The following MRPL19 variants were observed in gnomAD, a reference collection of about 807,000 sequenced individuals.
The protein encoded by MRPL19 is mitochondrial ribosomal protein L19, also known as large ribosomal subunit protein bL19m.
A neutral mutation model predicts 34.0 loss-of-function variants in MRPL19; 31 were observed. The observed-to-expected ratio is 0.91, with a 90% CI of 0.68 to 1.23. The LOEUF is 1.23. MRPL19 is among the 50% of genes most tolerant of loss of function. The probability of loss-of-function intolerance (pLI) is 0.00; values close to 1 mark genes in which losing one functional copy is unlikely to be tolerated. For synonymous variants in MRPL19, 152 were observed against 127.7 expected (o/e 1.19, Z -1.28); for missense variants, 384 against 367.6 (o/e 1.04, Z -0.37).
At chr2:75,647,024 G>C (rs1417422864) in intron 1 of MRPL19, 78 bp from the exon 2 acceptor site, 1 of 1,491,704 alleles carries the variant, frequency 6.7e-7, no homozygotes, top group Non-Finnish European at 9.0e-7. Flanking sequence ...TGGGACGCCG[G>C]GTTGGGGGAG....
chr2:75,656,497 T>C lies in MRPL19; in HGVS notation c.*1212T>C, dbSNP rs2104139206. On this transcript the variant is annotated 3_prime_UTR_variant, in exon 6 of 6. Coordinates refer to ENST00000393909, the MANE Select transcript of MRPL19 (RefSeq NM_014763.4). The stretch of plus-strand genomic sequence containing the variant: ...CATTTTATTGAGTACTAACTTGTTT[T>C]GCTGCAGCACATCCTTTGGTAGCTT... 6.6e-6 allele frequency: 1 copy of C among 152,294 alleles called. No individual in the cohort carries two copies. The highest frequency in any genetic ancestry group is 2.4e-5 in the African/African-American group (1 of 41,566). The allele number at this position is 152,294 out of a possible 1,614,324, so 9.4% of individuals were successfully genotyped here.
At position 75,658,797 on chromosome 2, in the gene MRPL19, A is replaced by G. The variant is rs570597106; in HGVS notation, c.*3512A>G. Among the ~76,000 whole-genome samples the G allele has an allele frequency of 7.9e-5, 12 of 152,192 alleles. No individual in the cohort carries two copies. Among genetic ancestry groups the G allele is most frequent in the East Asian group, 1.9e-4 (1 of 5,188 alleles). Reference sequence around the variant, plus strand: ...ATGCTATTGTTGACTGTAGTTTTCTATATGTCTCTTAGGTCAAGGTGGTTT... The same window carrying G: ...ATGCTATTGTTGACTGTAGTTTTCTGTATGTCTCTTAGGTCAAGGTGGTTT... On this transcript the variant is annotated 3_prime_UTR_variant, in exon 6 of 6. Coordinates refer to ENST00000393909, the MANE Select transcript of MRPL19 (RefSeq NM_014763.4).
rs2104140639 is a variant in MRPL19, at chr2:75,657,296, T to C, written c.*2011T>C. The C allele has an allele frequency of 6.6e-6, 1 of 151,888 alleles. No homozygotes were observed. Among genetic ancestry groups the C allele is most frequent in the East Asian group, 1.9e-4 (1 of 5,134 alleles). The allele number at this position is 151,888 out of a possible 1,614,324, so 9.4% of individuals were successfully genotyped here. ...TTATCTGAATGGGCTTTTTTGGGAG[T>C]CCCCTCCTCCACATGAATATTTTGG... On this transcript the variant is annotated 3_prime_UTR_variant, in exon 6 of 6. Transcript: ENST00000393909.
At position 75,654,825 on chromosome 2, in the gene MRPL19, T is replaced by C. The variant is rs200530475; in HGVS notation, c.565T>C (p.Tyr189His). The C allele has an allele frequency of 2.7e-4, 437 of 1,613,782 alleles. No individual in the cohort carries two copies. The highest frequency in any genetic ancestry group is 3.1e-4 in the Non-Finnish European group (366 of 1,179,866). ...GAAACGGCTGGATGATAGCTTGCTA[T>C]ACTTACGAGATGCCCTTCCTGAATA... ...LEKRLDDSLLYLRDALPEYST... is the reference protein window; with the variant it reads ...LEKRLDDSLLHLRDALPEYST... The change falls in exon 5 of 6, where the codon TAC becomes CAC. Residue 189 changes from tyrosine to histidine, a missense_variant. Transcript: ENST00000393909.
Position 75,652,489 on chromosome 2 carries a change from GA to G in MRPL19, c.341-26del, listed in dbSNP as rs539358492. ...AGTTTACTTCTCAGCTGGGTGTGCT[GA>G]AAAAAAAGTTCACTTCTCTTTTGAA... On this transcript the variant is annotated intron_variant, in intron 3 of 5. Coordinates refer to ENST00000393909, the MANE Select transcript of MRPL19 (RefSeq NM_014763.4). 3.0e-4 allele frequency: 485 copies of G among 1,600,352 alleles called. No homozygotes were observed. In the Middle Eastern group the frequency reaches 3.2e-3, roughly 10 times the overall value.
intron 5 of MRPL19, 33 bp from the exon 6 acceptor site, chr2:75,655,031 T>G (rs769448492): frequency 3.9e-5 from 3 of 77,610 alleles, no homozygotes; most frequent in Non-Finnish European, 6.3e-5. Flanking sequence ...TAATTATTGC[T>G]TTTTTTTTTT....
rs1035683770 is a variant in MRPL19 at position 75,655,415 on chromosome 2, C to CT, written c.*137dup. 1.4e-6 allele frequency: 1 copy of CT among 695,100 alleles called. No individual in the cohort carries two copies. The allele number at this position is 695,100 out of a possible 1,614,324, so 43.1% of individuals were successfully genotyped here. On this transcript the variant is annotated 3_prime_UTR_variant, in exon 6 of 6. Coordinates refer to ENST00000393909, the MANE Select transcript of MRPL19 (RefSeq NM_014763.4). ...CTAAGCATTCATTGTTTTATTAATACTTTTTTTCTAAAATAAAACTTGTAC... is the reference window on the plus strand; with the variant it reads ...CTAAGCATTCATTGTTTTATTAATACTTTTTTTTCTAAAATAAAACTTGTAC...
intron 4 of MRPL19, 111 bp from the exon 5 acceptor site, chr2:75,654,625 C>T: frequency 1.1e-6 from 1 of 916,732 alleles, no homozygotes; most frequent in East Asian, 2.8e-5. Flanking sequence ...GGCACATTTT[C>T]TACATGCAAA....
chr2:75,660,224 T>C lies in MRPL19; in HGVS notation c.*4939T>C, dbSNP rs974957925. On this transcript the variant is annotated 3_prime_UTR_variant, in exon 6 of 6. Coordinates refer to ENST00000393909, the MANE Select transcript of MRPL19 (RefSeq NM_014763.4). ...CCTTTTTATAACGTCTGTGTCTTTA[T>C]TGATATTCTCATTTTGTTCATATGT... 5.9e-5 allele frequency among the ~76,000 whole-genome samples: 9 copies of C among 152,212 alleles called. No individual in the cohort carries two copies. Among genetic ancestry groups the C allele is most frequent in the African/African-American group, 1.4e-4 (6 of 41,474 alleles).
rs1265857783 is a variant in MRPL19, at chr2:75,660,386, A to G, written c.*5101A>G. 4 of 152,044 alleles carry G rather than the reference A, an allele frequency of 2.6e-5. No individual in the cohort carries two copies. Among genetic ancestry groups the G allele is most frequent in the Admixed American group, 2.0e-4 (3 of 15,262 alleles). 9.4% of individuals were successfully genotyped at this position (152,044 alleles called of 1,614,324 possible). A position where few individuals can be genotyped will look rare whatever the true frequency, so the allele number is the denominator to read the frequency against. ...GATGGTTTTCATTATTTTGTTTTCA[A>G]TGAGCCATACTTTCCTGTGTCTTTG... On this transcript the variant is annotated 3_prime_UTR_variant, in exon 6 of 6. Coordinates refer to ENST00000393909, the MANE Select transcript of MRPL19 (RefSeq NM_014763.4).
chr2:75,656,171 CTG>C lies in MRPL19; in HGVS notation c.*888_*889del, dbSNP rs1558721530. On this transcript the variant is annotated 3_prime_UTR_variant, in exon 6 of 6. Transcript: ENST00000393909. ...TGCTCACAGCATGATGAATCAAACT[CTG>C]TATCTTAGGATTAGGTTAAAACAAT... 3.3e-5 allele frequency: 5 copies of C among 152,142 alleles called. No homozygotes were observed. Among genetic ancestry groups the C allele is most frequent in the African/African-American group, 9.7e-5 (4 of 41,432 alleles). 9.4% of individuals were successfully genotyped at this position (152,142 alleles called of 1,614,324 possible). A position where few individuals can be genotyped will look rare whatever the true frequency, so the allele number is the denominator to read the frequency against.
Position 75,647,107 on chromosome 2 carries a change from C to G in MRPL19, c.109C>G (p.His37Asp). 1 of 1,584,446 alleles carries G rather than the reference C, an allele frequency of 6.3e-7. No individual in the cohort carries two copies. The highest frequency in any genetic ancestry group is 8.6e-7 in the Non-Finnish European group (1 of 1,164,682). The change falls in exon 2 of 6, where the codon CAC becomes GAC. Residue 37 changes from histidine to aspartate, a missense_variant. Physicochemically the swap from His to Asp is moderately conservative, Grantham distance 81. Coordinates refer to ENST00000393909, the MANE Select transcript of MRPL19 (RefSeq NM_014763.4). ...PPPASIACRV[H>D]AGPVRQQSTG... ...TCCGTCGTCCGCTCCCGCAGGGGTC[C>G]ACGCGGGGCCTGTCCGGCAGCAGAG...
rs1487319711 is a variant in MRPL19, at chr2:75,658,292, CT to C, written c.*3008del. Among the ~76,000 whole-genome samples the C allele has an allele frequency of 4.6e-5, 7 of 152,094 alleles. No individual in the cohort carries two copies. Among genetic ancestry groups the C allele is most frequent in the African/African-American group, 1.4e-4 (6 of 41,402 alleles). ...CCCATGCTGGTCTTGAGTTCCTGGC[CT>C]CAAGCAGTCCTTAAGATTCATCCAT... On this transcript the variant is annotated 3_prime_UTR_variant, in exon 6 of 6. Coordinates refer to ENST00000393909, the MANE Select transcript of MRPL19 (RefSeq NM_014763.4).
intron 2 of MRPL19, chr2:75,647,538 G>T (rs1259200468): frequency 4.1e-6 from 1 of 246,204 alleles, no homozygotes; most frequent in African/African-American, 2.2e-5. Flanking sequence ...TTACGTCCAA[G>T]AGCTCTTCTT....
In MRPL19 at chr2:75,661,775, A is replaced by AGTCT. The variant is rs1400561674; in HGVS notation, c.*6491_*6494dup. ...TGGCCTCAAACGATCCTCCCAGCTC[A>AGTCT]GTCTCACAAAGTGTTGGGATGTCTG... is the stretch of plus-strand genomic sequence containing the variant. On this transcript the variant is annotated 3_prime_UTR_variant, in exon 6 of 6. Coordinates refer to ENST00000393909, the MANE Select transcript of MRPL19 (RefSeq NM_014763.4). 16 of 152,368 alleles carry AGTCT rather than the reference A, an allele frequency of 1.1e-4. No homozygotes were observed. Among genetic ancestry groups the AGTCT allele is most frequent in the Non-Finnish European group, 1.8e-4 (12 of 68,106 alleles). 9.4% of individuals were successfully genotyped at this position (152,368 alleles called of 1,614,324 possible).
chr2:75,647,562 C>T (rs1389769940), intron 2 of MRPL19: 3 of 207,188 alleles, frequency 1.4e-5, no homozygotes, highest in African/African-American at 2.3e-5. Context: ...TCTCAAAAGA[C>T]CCTTAACCCT....
intron 1 of MRPL19, 63 bp from the exon 2 acceptor site, chr2:75,647,039 C>A: frequency 6.7e-7 from 1 of 1,496,612 alleles, no homozygotes; most frequent in Non-Finnish European, 9.0e-7. Flanking sequence ...GGGGAGATTG[C>A]GGGGCTCTGC....
rs111974690 is a variant in MRPL19, at chr2:75,648,847, C to T, written c.221+1628C>T. Among the ~76,000 whole-genome samples the T allele has an allele frequency of 4.8e-3, 727 of 152,170 alleles. 7 individuals are homozygous for T. The highest frequency in any genetic ancestry group is 0.016 in the African/African-American group (658 of 41,512). On this transcript the variant is annotated intron_variant, in intron 2 of 5. Coordinates refer to ENST00000393909, the MANE Select transcript of MRPL19 (RefSeq NM_014763.4). ...TCGTGCCACTGCACTCCAGCCTGGG[C>T]GATAGAGCAAGACTCTGTCTCAGAA...
At chr2:75,649,628 G>A (rs1245125441) in intron 2 of MRPL19, among the ~76,000 whole-genome samples, 3 of 152,104 alleles carry the variant, frequency 2.0e-5, no homozygotes, top group African/African-American at 7.2e-5. Context: ...AAATTATTGA[G>A]GGATGAAATG....
Sources: allele counts gnomAD v4.1 joint callset (sites outside exome capture counted in the v4.1 genomes callset), GRCh38; gene constraint gnomAD v4.1.1; transcripts MANE v1.5; gene names NCBI Gene and HGNC (gene_info 2026-07-23, HGNC 2026-07-21).